The following DENND2B variants were observed in gnomAD, a reference collection of about 807,000 sequenced individuals.
DENND2B encodes DENN domain containing 2B, also known as DENN domain-containing protein 2B.
Under a neutral mutation model 116.0 loss-of-function variants are expected in DENND2B, and 32 were observed. The observed-to-expected ratio is 0.28, with a 90% CI of 0.21 to 0.37. The LOEUF (loss-of-function observed/expected upper bound fraction) is 0.37, where lower values mean the gene tolerates loss of function less well. Ranked by LOEUF, DENND2B falls within the 10% of genes least tolerant of loss-of-function variation. The pLI is 1.00. For synonymous variants in DENND2B, 588 were observed against 583.9 expected (o/e 1.01, Z -0.10); for missense variants, 1,276 against 1,477.7 (o/e 0.86, Z 2.24).
intron 10 of DENND2B, 58 bp from the exon 11 acceptor site, chr11:8,710,972 C>T: frequency 2.5e-6 from 4 of 1,601,220 alleles, no homozygotes; most frequent in Non-Finnish European, 3.4e-6. Flanking sequence ...GAAACAGCCC[C>T]CAAGAATAGG....
chr11:8,738,877 C>T (rs1297830053), intron 2 of DENND2B, among the ~76,000 whole-genome samples: 1 of 152,210 alleles, frequency 6.6e-6, no homozygotes, highest in East Asian at 1.9e-4. Context: ...GCACATCCAA[C>T]TCTTAGCTCT....
At chr11:8,881,387 G>A (rs1216041996) in intron 1 of DENND2B, among the ~76,000 whole-genome samples, 1 of 151,682 alleles carries the variant, frequency 6.6e-6, no homozygotes, top group Non-Finnish European at 1.5e-5. Flanking sequence ...CTTCTATGTT[G>A]GACCTCTTTG....
Position 8,710,835 on chromosome 11 carries a change from C to T in DENND2B, c.2352+10G>A. 6.2e-7 allele frequency: 1 copy of T among 1,613,430 alleles called. No homozygotes were observed. The highest frequency in any genetic ancestry group is 2.2e-5 in the East Asian group (1 of 44,828). ...GCCTGCTGGCCTGAGGACCGAATGG[C>T]CTCACTCACCAGTAAGCGCCTGCAG... On this transcript the variant is annotated intron_variant, in intron 11 of 19. Transcript: ENST00000313726.
intron 18 of DENND2B, chr11:8,696,012 C>T (rs1333048212): frequency 7.9e-6 from 2 of 252,546 alleles, no homozygotes; most frequent in African/African-American, 4.5e-5. Flanking sequence ...TAACCATCTG[C>T]CTTAAATGAA....
intron 1 of DENND2B, among the ~76,000 whole-genome samples, chr11:8,888,341 C>A (rs1014489592): frequency 6.6e-6 from 1 of 152,106 alleles, no homozygotes; most frequent in African/African-American, 2.4e-5. Context: ...TGCTTCTGAT[C>A]ATAGATGTGC....
chr11:8,755,645 G>A (rs921595124), intron 1 of DENND2B, among the ~76,000 whole-genome samples: 2 of 152,138 alleles, frequency 1.3e-5, no homozygotes, highest in African/African-American at 4.8e-5. Flanking sequence ...AATGGAGTTG[G>A]TCCAGCTAAC....
intron 13 of DENND2B, among the ~76,000 whole-genome samples, chr11:8,706,438 G>A (rs1592454346): frequency 8.7e-6 from 1 of 114,840 alleles, no homozygotes; most frequent in Admixed American, 1.2e-4. Context: ...CCCAACTTTT[G>A]CCTTTGCAGA....
At chr11:8,796,184 T>C (rs1593814290) in intron 1 of DENND2B, among the ~76,000 whole-genome samples, 1 of 152,268 alleles carries the variant, frequency 6.6e-6, no homozygotes, top group South Asian at 2.1e-4. Context: ...CTGCATACAT[T>C]TTCATTTCAG....
In DENND2B at chr11:8,815,922, C is replaced by T. The variant is rs548180816; in HGVS notation, c.-114-4587G>A. Among the ~76,000 whole-genome samples the T allele has an allele frequency of 2.1e-3, 316 of 152,258 alleles. 2 individuals are homozygous for T. Among genetic ancestry groups the T allele is most frequent in the Admixed American group, 3.7e-3 (57 of 15,292 alleles). ...GGTGAGGGAATTTGAGTGGATGGACCTACATTGTACAAGAAAATACATATA... is the reference window on the plus strand; with the variant it reads ...GGTGAGGGAATTTGAGTGGATGGACTTACATTGTACAAGAAAATACATATA... On this transcript the variant is annotated intron_variant, in intron 4 of 6. Transcript: ENST00000524757.
chr11:8,776,107 TAC>T, intron 1 of DENND2B: 1 of 412,922 alleles, frequency 2.4e-6, no homozygotes, highest in Admixed American at 2.6e-5. Flanking sequence ...CACACAGAGA[TAC>T]ACAGACTTGC....
intron 13 of DENND2B, among the ~76,000 whole-genome samples, chr11:8,706,151 G>A (rs1455620482): frequency 6.6e-6 from 1 of 152,172 alleles, no homozygotes; most frequent in Non-Finnish European, 1.5e-5. Context: ...AGGCTGAAGC[G>A]GGAGGATCGC....
At position 8,730,622 on chromosome 11, in the gene DENND2B, T is replaced by C. The variant is rs766765458; in HGVS notation, c.668A>G (p.Lys223Arg). The C allele has an allele frequency of 6.2e-7, 1 of 1,612,998 alleles. No homozygotes were observed. The highest frequency in any genetic ancestry group is 8.5e-7 in the Non-Finnish European group (1 of 1,179,972). The change falls in exon 3 of 20, where the codon AAG becomes AGG. Residue 223 changes from lysine (K) to arginine (R), a missense_variant. Lys to Arg is a conservative substitution (Grantham distance 26). This residue lies in a region of DENND2B where 856 missense variants were observed against 846.6 expected (regional missense o/e 1.01). Coordinates refer to ENST00000313726, the MANE Select transcript of DENND2B (RefSeq NM_213618.2). This position sits in a 1 kb window ranked among gnomAD's most constrained non-coding sequence, Gnocchi z 4.1. ...PCSSEKTFDF[K>R]GLRRMSRTFS... ...GGTCCTGCTCATCCTCCGGAGGCCC[T>C]TGAAATCAAAGGTCTTTTCAGAGCT...
At chr11:8,777,369 T>C (rs2057858377) in intron 1 of DENND2B, among the ~76,000 whole-genome samples, 2 of 152,206 alleles carry the variant, frequency 1.3e-5, no homozygotes, top group African/African-American at 4.8e-5. Flanking sequence ...CAAATGTTGC[T>C]ATATCAATGA....
chr11:8,892,774 A>G (rs2064050481), intron 1 of DENND2B, among the ~76,000 whole-genome samples: 1 of 152,150 alleles, frequency 6.6e-6, no homozygotes, highest in African/African-American at 2.4e-5. Context: ...CAACCAAAAA[A>G]AGTCCAGGAC....
At chr11:8,750,915 C>T (rs375305132) in intron 1 of DENND2B, among the ~76,000 whole-genome samples, 190 bp from the exon 2 acceptor site, 1 of 152,204 alleles carries the variant, frequency 6.6e-6, no homozygotes, top group Non-Finnish European at 1.5e-5. Flanking sequence ...GCCTGGAATA[C>T]GGAGGAGTGT....
chr11:8,857,861 T>G (rs914949442), intron 2 of DENND2B, among the ~76,000 whole-genome samples: 3 of 152,230 alleles, frequency 2.0e-5, no homozygotes, highest in Non-Finnish European at 2.9e-5. Context: ...TAGTTCACCC[T>G]ATAGCCCTTC....
chr11:8,702,733 G>C lies in DENND2B; in HGVS notation c.2572-13C>G. ...GCAGCTCTAACACCTGCAGGAGAGC[G>C]ATGGGAAAGTGGGCCGGGGCCAGCC... On this transcript the variant is annotated splice_polypyrimidine_tract_variant and intron_variant, in intron 13 of 19. Transcript: ENST00000313726. The surrounding 1 kb of genome is among the most constrained non-coding windows in gnomAD (Gnocchi z 4.6). 7.4e-7 allele frequency: 1 copy of C among 1,354,076 alleles called. No homozygotes were observed. The highest frequency in any genetic ancestry group is 1.0e-6 in the Non-Finnish European group (1 of 966,346). 83.9% of individuals were successfully genotyped at this position (1,354,076 alleles called of 1,614,324 possible). A position where few individuals can be genotyped will look rare whatever the true frequency, so the allele number is the denominator to read the frequency against.
chr11:8,766,076 T>C (rs927342466), intron 1 of DENND2B, among the ~76,000 whole-genome samples: 3 of 152,080 alleles, frequency 2.0e-5, no homozygotes, highest in African/African-American at 7.2e-5. Flanking sequence ...GGTATTTATT[T>C]TGGGCTATGG....
At chr11:8,781,135 G>A (rs577596561) in intron 1 of DENND2B, among the ~76,000 whole-genome samples, 2 of 152,190 alleles carry the variant, frequency 1.3e-5, no homozygotes, top group Non-Finnish European at 2.9e-5. Flanking sequence ...AAGGATGGAG[G>A]GACTGTGAGG....
Sources: gnomAD v4.1 joint callset for allele counts (sites outside exome capture counted in the v4.1 genomes callset) on GRCh38, gnomAD v4.1.1 for gene constraint, gnomAD v4.1.1 regional missense constraint, Gnocchi (gnomAD v3.1) non-coding constraint, MANE v1.5 for transcripts, NCBI Gene and HGNC (gene_info 2026-07-23, HGNC 2026-07-21) for gene names.